Variants in LRRC4C observed in about 807,000 individuals in gnomAD.
The protein encoded by LRRC4C is leucine-rich repeat-containing protein 4C.
LRRC4C carries 5 observed loss-of-function variants against 33.6 expected under a neutral mutation model. That is an observed-to-expected ratio of 0.15 (90% confidence interval 0.08 to 0.31). LRRC4C has a LOEUF of 0.31. LRRC4C is among the 10% of genes least tolerant of loss of function. LRRC4C has a pLI of 1.00. For missense variants in LRRC4C, 560 were observed against 796.7 expected, an observed-to-expected ratio of 0.70 and a Z score of 3.58; for synonymous variants, 329 against 302.0, an observed-to-expected ratio of 1.09 and a Z score of -0.93.
intron 1 of LRRC4C, among the ~76,000 whole-genome samples, chr11:41,079,028 G>C (rs1469078603): frequency 2.0e-5 from 3 of 152,058 alleles, no homozygotes; most frequent in Non-Finnish European, 2.9e-5. Context: ...AAATGTTAGG[G>C]CTAATTTGTC....
At chr11:40,890,248 CA>C (rs1955642020) in intron 2 of LRRC4C, among the ~76,000 whole-genome samples, 2 of 152,190 alleles carry the variant, frequency 1.3e-5, no homozygotes. Flanking sequence ...ATATATTTCT[CA>C]CACTTCTGAA....
intron 1 of LRRC4C, among the ~76,000 whole-genome samples, chr11:41,006,953 G>A (rs893613086): frequency 2.6e-5 from 4 of 151,948 alleles, no homozygotes; most frequent in Non-Finnish European, 5.9e-5. Flanking sequence ...AGGTAGAAAC[G>A]AAAGCATATG....
rs1257819427 is a variant in LRRC4C, at chr11:41,235,578, T to G, written c.-496+223853A>C. 2.6e-5 allele frequency among the ~76,000 whole-genome samples: 4 copies of G among 152,250 alleles called. No homozygotes were observed. In the East Asian group the frequency reaches 7.7e-4, roughly 29 times the overall value. ...CCTCTATCCCTTAAAAGTAACTTAT[T>G]AAAAAGCACTCATCTATGTAACAAC... On this transcript the variant is annotated intron_variant, in intron 1 of 6. Transcript: ENST00000528697.
chr11:41,062,070 C>A (rs10501248), intron 1 of LRRC4C, among the ~76,000 whole-genome samples: 54,467 of 152,000 alleles, frequency 0.36, 10,040 homozygotes, highest in East Asian at 0.55. Flanking sequence ...GGAGTTCTCA[C>A]TATGGAAAAT....
At chr11:40,192,089 T>C (rs561314305) in intron 5 of LRRC4C, among the ~76,000 whole-genome samples, 5 of 152,212 alleles carry the variant, frequency 3.3e-5, no homozygotes, top group East Asian at 3.9e-4. Context: ...ATTGATATGA[T>C]TGATCATATC....
chr11:40,934,156 C>A (rs369696795), intron 1 of LRRC4C, among the ~76,000 whole-genome samples: 1 of 152,126 alleles, frequency 6.6e-6, no homozygotes, highest in East Asian at 1.9e-4. Flanking sequence ...CTATCTTATT[C>A]ACTTGAAATG....
intron 3 of LRRC4C, among the ~76,000 whole-genome samples, chr11:40,607,680 C>T (rs749911767): frequency 2.6e-5 from 4 of 152,060 alleles, no homozygotes; most frequent in East Asian, 1.9e-4. Context: ...TCCAAGCCCA[C>T]GTGTGATCCA....
At chr11:40,856,518 T>C (rs2135792003) in intron 2 of LRRC4C, among the ~76,000 whole-genome samples, 1 of 152,360 alleles carries the variant, frequency 6.6e-6, no homozygotes, top group Non-Finnish European at 1.5e-5. Flanking sequence ...TTAATGCATT[T>C]ATATATTTAA....
At chr11:40,730,824 C>T (rs567862823) in intron 2 of LRRC4C, among the ~76,000 whole-genome samples, 21 of 152,192 alleles carry the variant, frequency 1.4e-4, no homozygotes, top group African/African-American at 4.8e-4. Flanking sequence ...AAAGTGAAGC[C>T]CACCTTTTCT....
chr11:40,637,846 G>C (rs1461269346), intron 3 of LRRC4C, among the ~76,000 whole-genome samples: 1 of 152,080 alleles, frequency 6.6e-6, no homozygotes, highest in Admixed American at 6.6e-5. Context: ...AAGCCAGGGA[G>C]ATCTAGCACC....
chr11:40,770,753 C>T (rs1383081793), intron 2 of LRRC4C, among the ~76,000 whole-genome samples: 1 of 152,166 alleles, frequency 6.6e-6, no homozygotes, highest in Non-Finnish European at 1.5e-5. Context: ...GCTACAGGCC[C>T]CATGCAAGTC....
At chr11:40,974,720 T>C (rs1449506974) in intron 1 of LRRC4C, among the ~76,000 whole-genome samples, 1 of 152,180 alleles carries the variant, frequency 6.6e-6, no homozygotes, top group Non-Finnish European at 1.5e-5. Flanking sequence ...TGTGATTCAG[T>C]GGACTAAGTG....
At chr11:40,866,143 G>C (rs1954356498) in intron 2 of LRRC4C, among the ~76,000 whole-genome samples, 2 of 144,734 alleles carry the variant, frequency 1.4e-5, no homozygotes, top group Non-Finnish European at 3.0e-5. Flanking sequence ...CAAAGTCTCT[G>C]GTTGAAATCC....
intron 3 of LRRC4C, among the ~76,000 whole-genome samples, chr11:40,412,042 G>A (rs1950174743): frequency 6.6e-6 from 1 of 151,642 alleles, no homozygotes; most frequent in Admixed American, 6.6e-5. Flanking sequence ...AGCTTTTTTT[G>A]GGGGGTTATC....
intron 1 of LRRC4C, among the ~76,000 whole-genome samples, chr11:41,361,515 A>C (rs1952354951): frequency 6.6e-6 from 1 of 152,222 alleles, no homozygotes; most frequent in South Asian, 2.1e-4. Flanking sequence ...CCTTCTAAGC[A>C]TTCTATTTAT....
intron 2 of LRRC4C, among the ~76,000 whole-genome samples, chr11:40,769,842 A>C (rs1434749657): frequency 6.6e-6 from 1 of 152,178 alleles, no homozygotes; most frequent in Non-Finnish European, 1.5e-5. Flanking sequence ...CATGGATTAA[A>C]GACTTAAATC....
At chr11:40,797,984 A>T (rs1311489976) in intron 2 of LRRC4C, among the ~76,000 whole-genome samples, 1 of 152,226 alleles carries the variant, frequency 6.6e-6, no homozygotes, top group African/African-American at 2.4e-5. Context: ...ATTAATTATA[A>T]GATATTTTTG....
intron 5 of LRRC4C, among the ~76,000 whole-genome samples, chr11:40,199,881 CA>C (rs1268213122): frequency 1.3e-5 from 2 of 152,040 alleles, no homozygotes; most frequent in Non-Finnish European, 2.9e-5. Flanking sequence ...AAGAATCCTG[CA>C]AAGTAGGTGT....
chr11:40,116,789 T>G (rs1319637824), intron 6 of LRRC4C, among the ~76,000 whole-genome samples: 2 of 152,256 alleles, frequency 1.3e-5, no homozygotes, highest in Non-Finnish European at 2.9e-5. Context: ...CCAAGCACCA[T>G]GGGCTATACA....
Sources: gnomAD v4.1 joint callset for allele counts (sites outside exome capture counted in the v4.1 genomes callset) on GRCh38, gnomAD v4.1.1 for gene constraint, MANE v1.5 for transcripts, NCBI Gene and HGNC (gene_info 2026-07-23, HGNC 2026-07-21) for gene names.